PPARGC1A: variants seen among roughly 807,000 people sequenced by gnomAD.
The protein encoded by PPARGC1A is peroxisome proliferator-activated receptor gamma coactivator 1-alpha.
A neutral mutation model predicts 88.7 loss-of-function variants in PPARGC1A; 25 were observed. The observed-to-expected ratio is 0.28, with a 90% CI of 0.21 to 0.39. The LOEUF is 0.39. Ranked by LOEUF, PPARGC1A falls within the 10% of genes least tolerant of loss-of-function variation. The pLI, the probability that PPARGC1A is intolerant of heterozygous loss-of-function variation, is 1.00. For missense variants in PPARGC1A, 880 were observed against 968.7 expected (o/e 0.91, Z 1.22); for synonymous variants, 363 against 355.6 (o/e 1.02, Z -0.24).
At position 23,824,362 on chromosome 4, in the gene PPARGC1A, T is replaced by C. The variant is rs775292228; in HGVS notation, c.804-9A>G. 6.2e-7 allele frequency: 1 copy of C among 1,613,150 alleles called. No individual in the cohort carries two copies. Among genetic ancestry groups the C allele is most frequent in the Non-Finnish European group, 8.5e-7 (1 of 1,179,304 alleles). On this transcript the variant is annotated splice_polypyrimidine_tract_variant and intron_variant, in intron 6 of 12. Coordinates refer to ENST00000264867, the MANE Select transcript of PPARGC1A (RefSeq NM_013261.5). Reference sequence around the variant, plus strand: ...GGGAACCCTTGGGGTCACTGGAAGATATGGCACATTTATAAAAACAAACTG... The same window carrying C: ...GGGAACCCTTGGGGTCACTGGAAGACATGGCACATTTATAAAAACAAACTG...
the PPARGC1A span, among the ~76,000 whole-genome samples, chr4:24,422,045 C>T: frequency 1.3e-5 from 2 of 152,346 alleles, 1 homozygote; most frequent in African/African-American, 4.8e-5. Flanking sequence ...GATTGAAGTT[C>T]AGGAAACAAT....
the PPARGC1A span, among the ~76,000 whole-genome samples, chr4:24,089,700 G>A: frequency 6.6e-6 from 1 of 151,956 alleles, no homozygotes; most frequent in Non-Finnish European, 1.5e-5. Flanking sequence ...TTTTGGTAGA[G>A]ACGGGGTTTC....
chr4:24,114,540 T>C, the PPARGC1A span, among the ~76,000 whole-genome samples: 1 of 152,222 alleles, frequency 6.6e-6, no homozygotes, highest in African/African-American at 2.4e-5. Context: ...GGTTCCTTCC[T>C]GAGTCTGACA....
chr4:24,054,966 A>C, the PPARGC1A span, among the ~76,000 whole-genome samples: 6 of 152,252 alleles, frequency 3.9e-5, no homozygotes, highest in African/African-American at 1.2e-4. Flanking sequence ...GTGTTATTAC[A>C]TTTAATCCTC....
the PPARGC1A span, among the ~76,000 whole-genome samples, chr4:24,319,616 G>A: frequency 6.6e-6 from 1 of 152,176 alleles, no homozygotes; most frequent in African/African-American, 2.4e-5. Flanking sequence ...GTGAGTTTTG[G>A]TGACTCATTA....
chr4:23,883,170 C>T (rs1355589227), intron 2 of PPARGC1A: 3 of 152,182 alleles, frequency 2.0e-5, no homozygotes, highest in Non-Finnish European at 4.4e-5. Context: ...GGCTGAGAAG[C>T]CTGGGAAAGT....
chr4:24,120,317 A>T, the PPARGC1A span, among the ~76,000 whole-genome samples: 1 of 152,142 alleles, frequency 6.6e-6, no homozygotes, highest in Non-Finnish European at 1.5e-5. Flanking sequence ...GCTGGCTGAC[A>T]GGGATGTGGC....
chr4:23,962,553 A>G, the PPARGC1A span, among the ~76,000 whole-genome samples: 1 of 152,086 alleles, frequency 6.6e-6, no homozygotes, highest in African/African-American at 2.4e-5. Context: ...TCCAAATCCA[A>G]ACTGGGTGTT....
chr4:24,323,340 C>T, the PPARGC1A span, among the ~76,000 whole-genome samples: 594 of 152,348 alleles, frequency 3.9e-3, 7 homozygotes, highest in African/African-American at 0.013. Flanking sequence ...TGCACATATA[C>T]GCCCAGATGG....
At chr4:24,324,653 A>G in the PPARGC1A span, among the ~76,000 whole-genome samples, 1 of 152,172 alleles carries the variant, frequency 6.6e-6, no homozygotes, top group Non-Finnish European at 1.5e-5. Context: ...GGAAAATGGC[A>G]CTTTCAATTT....
chr4:24,239,162 A>G, the PPARGC1A span, among the ~76,000 whole-genome samples: 2 of 152,172 alleles, frequency 1.3e-5, no homozygotes, highest in Non-Finnish European at 2.9e-5. Flanking sequence ...AATTTTTTTC[A>G]TCCACTCAAT....
the PPARGC1A span, among the ~76,000 whole-genome samples, chr4:24,192,580 G>A: frequency 1.3e-5 from 2 of 152,308 alleles, no homozygotes; most frequent in Admixed American, 6.5e-5. Context: ...TAAGTCTGCC[G>A]TGAATAAAGA....
chr4:24,368,178 G>T, the PPARGC1A span, among the ~76,000 whole-genome samples: 1 of 152,124 alleles, frequency 6.6e-6, no homozygotes, highest in African/African-American at 2.4e-5. Context: ...AACCAACTGG[G>T]TCAAATGTGA....
intron 2 of PPARGC1A, among the ~76,000 whole-genome samples, chr4:23,868,063 T>C (rs890518736): frequency 3.3e-5 from 5 of 152,100 alleles, no homozygotes; most frequent in Non-Finnish European, 7.4e-5. Context: ...CACACTTACT[T>C]TCATGCTCTG....
chr4:24,248,826 G>T, the PPARGC1A span, among the ~76,000 whole-genome samples: 2 of 152,192 alleles, frequency 1.3e-5, no homozygotes, highest in Admixed American at 1.3e-4. Flanking sequence ...GTTATAACAT[G>T]TGCAGGATCA....
chr4:24,375,839 G>C, the PPARGC1A span, among the ~76,000 whole-genome samples: 22 of 152,020 alleles, frequency 1.4e-4, no homozygotes, highest in East Asian at 1.4e-3. Flanking sequence ...CCTATAAAGA[G>C]AGCAAACCCA....
chr4:24,262,075 T>C, the PPARGC1A span, among the ~76,000 whole-genome samples: 1 of 152,282 alleles, frequency 6.6e-6, no homozygotes, highest in Admixed American at 6.5e-5. Context: ...AGCCAGGAGA[T>C]GCATGCCTAA....
the PPARGC1A span, among the ~76,000 whole-genome samples, chr4:23,964,845 G>C: frequency 6.6e-6 from 1 of 152,190 alleles, no homozygotes; most frequent in Non-Finnish European, 1.5e-5. Flanking sequence ...AGCCAACAGA[G>C]AGGAGAGTTT....
chr4:24,013,096 C>A, the PPARGC1A span, among the ~76,000 whole-genome samples: 1 of 152,144 alleles, frequency 6.6e-6, no homozygotes, highest in Non-Finnish European at 1.5e-5. Flanking sequence ...TTGTGTTTAG[C>A]ACCTACTACG....
Sources: gnomAD v4.1 joint callset for allele counts (sites outside exome capture counted in the v4.1 genomes callset) on GRCh38, gnomAD v4.1.1 for gene constraint, MANE v1.5 for transcripts, NCBI Gene and HGNC (gene_info 2026-07-23, HGNC 2026-07-21) for gene names.